The following NUDCD3 variants were observed in gnomAD, a reference collection of about 807,000 sequenced individuals.
NUDCD3 encodes nudC domain-containing protein 3.
NUDCD3 carries 13 observed loss-of-function variants against 39.7 expected under a neutral mutation model. That is an observed-to-expected ratio of 0.33 (90% confidence interval 0.21 to 0.52). The LOEUF (loss-of-function observed/expected upper bound fraction) is 0.52, where lower values mean the gene tolerates loss of function less well. Among genes scored for constraint, NUDCD3 ranks in the 20% least tolerant of loss-of-function variants. NUDCD3 has a pLI of 0.96. For missense variants in NUDCD3, 453 were observed against 458.1 expected (o/e 0.99, Z 0.10); for synonymous variants, 175 against 172.4 (o/e 1.02, Z -0.12).
chr7:44,487,275 C>A (rs1800630520), intron 1 of NUDCD3, among the ~76,000 whole-genome samples: 1 of 152,138 alleles, frequency 6.6e-6, no homozygotes, highest in Non-Finnish European at 1.5e-5. Context: ...CTGCCTAACT[C>A]TACACCAACA....
At chr7:44,410,951 C>T (rs938909726) in intron 3 of NUDCD3, among the ~76,000 whole-genome samples, 5 of 152,020 alleles carry the variant, frequency 3.3e-5, no homozygotes, top group Non-Finnish European at 4.4e-5. Context: ...GGCAACAGAG[C>T]GAGACTCTAT....
At chr7:44,465,576 CTG>C (rs1800101886) in intron 2 of NUDCD3, among the ~76,000 whole-genome samples, 1 of 152,186 alleles carries the variant, frequency 6.6e-6, no homozygotes, top group Non-Finnish European at 1.5e-5. Context: ...TAAAAATAAA[CTG>C]TATTAACCAA....
chr7:44,422,945 G>A (rs1799168815), intron 3 of NUDCD3, among the ~76,000 whole-genome samples: 2 of 151,904 alleles, frequency 1.3e-5, no homozygotes, highest in South Asian at 2.1e-4. Flanking sequence ...TATCTACTAC[G>A]ATCAAGTCGG....
chr7:44,432,836 C>T (rs1217199606), intron 2 of NUDCD3, among the ~76,000 whole-genome samples: 1 of 152,238 alleles, frequency 6.6e-6, no homozygotes, highest in Admixed American at 6.5e-5. Flanking sequence ...CACCTCACCA[C>T]CTGTTGACCT....
chr7:44,468,260 G>C (rs1260317784), intron 2 of NUDCD3: 2 of 1,583,952 alleles, frequency 1.3e-6, no homozygotes, highest in South Asian at 2.2e-5. Context: ...GGCCATCAGA[G>C]TCACCAACCC....
chr7:44,447,162 G>A (rs946384680), intron 2 of NUDCD3, among the ~76,000 whole-genome samples: 3 of 152,206 alleles, frequency 2.0e-5, no homozygotes, highest in Admixed American at 1.3e-4. Flanking sequence ...ATCTGTTAAC[G>A]CACTTATTGA....
At chr7:44,430,600 ACAC>A (rs1799345054) in intron 2 of NUDCD3, among the ~76,000 whole-genome samples, 1 of 151,590 alleles carries the variant, frequency 6.6e-6, no homozygotes, top group South Asian at 2.1e-4. Flanking sequence ...ACACACACAC[ACAC>A]AAAAGACCAA....
chr7:44,386,119 T>C lies in NUDCD3; in HGVS notation c.978A>G (p.Lys326=). 22 of 1,614,134 alleles carry C rather than the reference T, an allele frequency of 1.4e-5. No homozygotes were observed. The highest frequency in any genetic ancestry group is 1.9e-5 in the Non-Finnish European group (22 of 1,179,992). ...ACCCCTTCTTCAGCATCTCATGGAC[T>C]TTCTACAAACAGAAAATAGAGAGAT... ...LQGKPQSHEL[K]VHEMLKKGWD... The change falls in exon 6 of 6, where the codon AAA becomes AAG. Residue 326 remains lysine (K), a splice_region_variant and synonymous_variant. Coordinates refer to ENST00000355451, the MANE Select transcript of NUDCD3 (RefSeq NM_015332.4).
intron 4 of NUDCD3, among the ~76,000 whole-genome samples, chr7:44,403,416 T>C (rs1046996546): frequency 6.6e-6 from 1 of 152,240 alleles, no homozygotes; most frequent in African/African-American, 2.4e-5. Flanking sequence ...ATGTTGTCTG[T>C]GCCCAGGTTG....
chr7:44,380,054 T>A lies in NUDCD3; in HGVS notation c.*5957A>T, dbSNP rs1798281283. 2.6e-5 allele frequency: 4 copies of A among 152,252 alleles called. No homozygotes were observed. Among genetic ancestry groups the A allele is most frequent in the Admixed American group, 1.3e-4 (2 of 15,288 alleles). The allele number at this position is 152,252 out of a possible 1,614,324, so 9.4% of individuals were successfully genotyped here. ...CACTACCAGGTCCACCTGCTTTAGG[T>A]ATACCTTCCTACCAGGACATGAGAG... On this transcript the variant is annotated 3_prime_UTR_variant, in exon 6 of 6. Transcript: ENST00000355451.
chr7:44,430,464 G>A (rs968284699), intron 2 of NUDCD3, among the ~76,000 whole-genome samples: 13 of 151,976 alleles, frequency 8.6e-5, no homozygotes, highest in African/African-American at 2.9e-4. Flanking sequence ...CTTTATGGCT[G>A]GAAACTGGAG....
intron 3 of NUDCD3, among the ~76,000 whole-genome samples, chr7:44,406,775 A>T (rs1433015449): frequency 1.3e-5 from 2 of 152,146 alleles, no homozygotes; most frequent in East Asian, 1.9e-4. Context: ...AGACAGTGAA[A>T]ATGGGGGAAG....
chr7:44,434,567 C>T (rs569523670), intron 2 of NUDCD3, among the ~76,000 whole-genome samples: 1 of 152,322 alleles, frequency 6.6e-6, no homozygotes, highest in African/African-American at 2.4e-5. Flanking sequence ...CCCCCCCGCC[C>T]CGCAATATCA....
chr7:44,408,073 C>G (rs978611786), intron 3 of NUDCD3, among the ~76,000 whole-genome samples: 1 of 152,002 alleles, frequency 6.6e-6, no homozygotes, highest in South Asian at 2.1e-4. Flanking sequence ...AGCTTACTCA[C>G]AAAGAGATGG....
chr7:44,404,327 G>T, intron 4 of NUDCD3, 113 bp downstream of exon 4: 1 of 1,094,336 alleles, frequency 9.1e-7, no homozygotes, highest in Non-Finnish European at 1.3e-6. Context: ...TGCCCCAGCA[G>T]CTGAAATTAA....
chr7:44,468,349 C>CAAA lies in NUDCD3; in HGVS notation c.509+16616_509+16618dup, dbSNP rs77181470. ...TCTGTTTAAATAAATGTAAAAACTG[C>CAAA]AAAAAAAAAAAAAAAAAAAAAGAAA... is the stretch of plus-strand genomic sequence containing the variant. On this transcript the variant is annotated intron_variant, in intron 2 of 5. Coordinates refer to ENST00000355451, the MANE Select transcript of NUDCD3 (RefSeq NM_015332.4). The CAAA allele has an allele frequency of 2.3e-3, 888 of 380,012 alleles. 4 individuals are homozygous for CAAA. Among genetic ancestry groups the CAAA allele is most frequent in the South Asian group, 4.9e-3 (127 of 25,814 alleles). The allele number at this position is 380,012 out of a possible 1,614,324, so 23.5% of individuals were successfully genotyped here.
chr7:44,386,182 A>C, intron 5 of NUDCD3, 61 bp from the exon 6 acceptor site: 1 of 1,571,826 alleles, frequency 6.4e-7, no homozygotes. Flanking sequence ...TTTCTCCCAG[A>C]GCAGACTCTG....
At chr7:44,466,018 A>C (rs1800111354) in intron 2 of NUDCD3, among the ~76,000 whole-genome samples, 1 of 152,162 alleles carries the variant, frequency 6.6e-6, no homozygotes, top group Non-Finnish European at 1.5e-5. Context: ...ATGACCAGTG[A>C]ACCCAGGACC....
At chr7:44,404,797 A>AT (rs1289501691) in intron 3 of NUDCD3, among the ~76,000 whole-genome samples, 1 of 152,150 alleles carries the variant, frequency 6.6e-6, no homozygotes, top group African/African-American at 2.4e-5. Flanking sequence ...CCACCAGAAA[A>AT]TCTTTCTCAG....
Sources: gnomAD v4.1 joint callset for allele counts (sites outside exome capture counted in the v4.1 genomes callset) on GRCh38, gnomAD v4.1.1 for gene constraint, MANE v1.5 for transcripts, NCBI Gene and HGNC (gene_info 2026-07-23, HGNC 2026-07-21) for gene names.